PRKCI: variants seen among roughly 807,000 people sequenced by gnomAD.
PRKCI encodes protein kinase C iota.
Under a neutral mutation model 84.0 loss-of-function variants are expected in PRKCI, and 43 were observed. The observed-to-expected ratio is 0.51, with a 90% CI of 0.40 to 0.66. The LOEUF is 0.66. Ranked by LOEUF, PRKCI falls within the 30% of genes least tolerant of loss-of-function variation. The pLI, the probability that PRKCI is intolerant of heterozygous loss-of-function variation, is 0.00. For missense variants in PRKCI, 459 were observed against 745.6 expected (o/e 0.62, Z 4.48); for synonymous variants, 216 against 234.4 (o/e 0.92, Z 0.72).
At chr3:170,267,565 T>G (rs1325602976) in intron 4 of PRKCI, among the ~76,000 whole-genome samples, 2 of 150,002 alleles carry the variant, frequency 1.3e-5, no homozygotes, top group African/African-American at 4.9e-5. Context: ...CTCAGCTACT[T>G]GGGAGGCTGA....
At chr3:170,231,514 G>A (rs1042357531) in intron 1 of PRKCI, among the ~76,000 whole-genome samples, 1 of 151,684 alleles carries the variant, frequency 6.6e-6, no homozygotes, top group African/African-American at 2.4e-5. Flanking sequence ...GCCCAGGCTG[G>A]AGTGTAGTGG....
chr3:170,237,538 A>G (rs920364639), intron 2 of PRKCI, among the ~76,000 whole-genome samples: 1 of 152,202 alleles, frequency 6.6e-6, no homozygotes, highest in African/African-American at 2.4e-5. Context: ...GTGGAAATAA[A>G]AAAAGAGAGA....
intron 2 of PRKCI, among the ~76,000 whole-genome samples, chr3:170,251,144 A>T (rs1184244114): frequency 6.6e-6 from 1 of 152,234 alleles, no homozygotes; most frequent in Non-Finnish European, 1.5e-5. Context: ...AAGAAACAAG[A>T]AACTCAATTG....
intron 2 of PRKCI, among the ~76,000 whole-genome samples, chr3:170,241,572 T>C (rs185979353): frequency 1.3e-5 from 2 of 152,280 alleles, no homozygotes; most frequent in African/African-American, 2.4e-5. Flanking sequence ...TGTTTATCCA[T>C]TGATGGGCAT....
chr3:170,239,049 C>T (rs1489589428), intron 2 of PRKCI, among the ~76,000 whole-genome samples: 1 of 152,166 alleles, frequency 6.6e-6, no homozygotes. Flanking sequence ...TATATCAAAA[C>T]ATCATGTTAT....
intron 17 of PRKCI, among the ~76,000 whole-genome samples, chr3:170,302,477 T>G (rs1734845480): frequency 6.6e-6 from 1 of 152,196 alleles, no homozygotes; most frequent in Non-Finnish European, 1.5e-5. Context: ...AATACATTTA[T>G]GTATTAAATA....
chr3:170,274,469 G>A (rs758044674), intron 7 of PRKCI, among the ~76,000 whole-genome samples: 1 of 152,146 alleles, frequency 6.6e-6, no homozygotes, highest in Non-Finnish European at 1.5e-5. Context: ...TTTATTATCA[G>A]AAGTAGAAAT....
intron 2 of PRKCI, among the ~76,000 whole-genome samples, chr3:170,255,965 CAT>C (rs1398893522): frequency 2.6e-5 from 4 of 152,096 alleles, no homozygotes; most frequent in African/African-American, 9.7e-5. Flanking sequence ...TCTGTTCTAT[CAT>C]GTGATATATC....
chr3:170,238,666 A>G (rs1441054738), intron 2 of PRKCI, among the ~76,000 whole-genome samples: 2 of 138,574 alleles, frequency 1.4e-5, no homozygotes, highest in African/African-American at 5.5e-5. Context: ...ATCTCCGCCC[A>G]CTGCAACCTC....
chr3:170,222,519 G>A lies in PRKCI; in HGVS notation c.-151G>A. 1.6e-6 allele frequency: 1 copy of A among 627,164 alleles called. No individual in the cohort carries two copies. The highest frequency in any genetic ancestry group is 2.5e-6 in the Non-Finnish European group (1 of 402,548). 38.8% of individuals were successfully genotyped at this position (627,164 alleles called of 1,614,324 possible). A position where few individuals can be genotyped will look rare whatever the true frequency, so the allele number is the denominator to read the frequency against. ...GCGGTTCCGGCTGCTCCGGCGAGGCGACCCTTGGGTCGGCGCTGCGGGCGA... is the reference window on the plus strand; with the variant it reads ...GCGGTTCCGGCTGCTCCGGCGAGGCAACCCTTGGGTCGGCGCTGCGGGCGA... On this transcript the variant is annotated 5_prime_UTR_variant, in exon 1 of 18. Transcript: ENST00000295797.
intron 17 of PRKCI, among the ~76,000 whole-genome samples, chr3:170,302,578 C>A (rs1247476652): frequency 6.6e-6 from 1 of 152,144 alleles, no homozygotes; most frequent in Non-Finnish European, 1.5e-5. Flanking sequence ...GATCTCCCTG[C>A]GGTGTTCTCT....
At chr3:170,251,982 G>A (rs374238935) in intron 2 of PRKCI, among the ~76,000 whole-genome samples, 6 of 152,024 alleles carry the variant, frequency 3.9e-5, no homozygotes, top group African/African-American at 1.4e-4. Context: ...TTGGGAGGCC[G>A]AGGTGGGTGG....
intron 2 of PRKCI, among the ~76,000 whole-genome samples, chr3:170,247,387 T>C (rs928386101): frequency 6.6e-6 from 1 of 151,478 alleles, no homozygotes; most frequent in East Asian, 2.0e-4. Context: ...TGTTTTAAAA[T>C]TGTTTTAGAG....
intron 2 of PRKCI, among the ~76,000 whole-genome samples, chr3:170,258,143 A>T (rs1733634737): frequency 6.6e-6 from 1 of 151,776 alleles, no homozygotes; most frequent in Admixed American, 6.6e-5. Context: ...GCCAGGAAAA[A>T]ATGACTTTGT....
At chr3:170,286,843 C>T (rs1428996937) in intron 12 of PRKCI, among the ~76,000 whole-genome samples, 6 of 148,554 alleles carry the variant, frequency 4.0e-5, no homozygotes, top group East Asian at 2.0e-4. Flanking sequence ...GACGAGGTCT[C>T]GCTGTGTTGC....
At chr3:170,248,584 A>G (rs899137194) in intron 2 of PRKCI, among the ~76,000 whole-genome samples, 4 of 152,164 alleles carry the variant, frequency 2.6e-5, no homozygotes, top group Admixed American at 6.6e-5. Flanking sequence ...ATTGAGTTTT[A>G]TCAAGCATTA....
intron 13 of PRKCI, 21 bp from the exon 14 acceptor site, chr3:170,293,362 C>T: frequency 6.3e-7 from 1 of 1,595,584 alleles, no homozygotes; most frequent in Non-Finnish European, 8.5e-7. Flanking sequence ...TAATTTATTG[C>T]TTTAAAATTT....
chr3:170,226,026 C>T (rs1021941773), intron 1 of PRKCI, among the ~76,000 whole-genome samples: 5 of 151,926 alleles, frequency 3.3e-5, no homozygotes, highest in African/African-American at 9.7e-5. Flanking sequence ...GATTCTCCTG[C>T]GGCTGCCTCC....
chr3:170,274,191 G>A (rs966081606), intron 7 of PRKCI, among the ~76,000 whole-genome samples: 1 of 152,086 alleles, frequency 6.6e-6, no homozygotes, highest in African/African-American at 2.4e-5. Flanking sequence ...GAATGCAGTG[G>A]CGTGATCTCG....
Sources: gnomAD v4.1 joint callset for allele counts (sites outside exome capture counted in the v4.1 genomes callset) on GRCh38, gnomAD v4.1.1 for gene constraint, MANE v1.5 for transcripts, NCBI Gene and HGNC (gene_info 2026-07-23, HGNC 2026-07-21) for gene names.